GLRA1: variants seen among roughly 807,000 people sequenced by gnomAD.
GLRA1 encodes glycine receptor alpha 1.
Under a neutral mutation model 48.3 loss-of-function variants are expected in GLRA1, and 37 were observed. That is an observed-to-expected ratio of 0.77 (90% CI 0.59 to 1.01). The LOEUF is 1.01. GLRA1 is among the 50% of genes least tolerant of loss of function. The probability of loss-of-function intolerance (pLI) is 0.00; values close to 1 mark genes in which losing one functional copy is unlikely to be tolerated. For synonymous variants in GLRA1, 196 were observed against 210.7 expected, an observed-to-expected ratio of 0.93 and a Z score of 0.60; for missense variants, 427 against 571.0, an observed-to-expected ratio of 0.75 and a Z score of 2.57.
rs1319031414 is a variant in GLRA1 at position 151,841,692 on chromosome 5, T to C, written c.912+9698A>G. Among the ~76,000 whole-genome samples, 3 of 152,270 alleles carry C rather than the reference T, an allele frequency of 2.0e-5. No homozygotes were observed. In the East Asian group the frequency reaches 5.8e-4, roughly 29 times the overall value. ...TAAAAAGGATTATAAGGGAATACTT[T>C]GAACAACTGTATGCCAATAAATTTG... On this transcript the variant is annotated intron_variant, in intron 7 of 8. Transcript: ENST00000274576.
At chr5:151,824,156 G>A (rs1195358602) in intron 8 of GLRA1, among the ~76,000 whole-genome samples, 1 of 151,382 alleles carries the variant, frequency 6.6e-6, no homozygotes, top group Admixed American at 6.6e-5. Context: ...CTTCTGATTT[G>A]TTTGTTTTGT....
At chr5:151,909,082 G>A (rs977222212) in intron 1 of GLRA1, among the ~76,000 whole-genome samples, 96 of 152,126 alleles carry the variant, frequency 6.3e-4, no homozygotes, top group African/African-American at 2.1e-3. Context: ...TTTTTGAAAA[G>A]TTTCTGGCAT....
At chr5:151,832,210 G>C (rs1251631843) in intron 7 of GLRA1, among the ~76,000 whole-genome samples, 2 of 152,218 alleles carry the variant, frequency 1.3e-5, no homozygotes, top group Non-Finnish European at 2.9e-5. Flanking sequence ...GCACAAAAAG[G>C]CTGAAAATTC....
chr5:151,849,381 C>G (rs1415183819), intron 7 of GLRA1, among the ~76,000 whole-genome samples: 5 of 4,790 alleles, frequency 1.0e-3, no homozygotes, highest in Admixed American at 7.1e-3. Context: ...CTTTCGTTTC[C>G]TTTCCTTTCC....
chr5:151,903,075 A>G (rs1005719422), intron 1 of GLRA1, among the ~76,000 whole-genome samples: 2 of 152,068 alleles, frequency 1.3e-5, no homozygotes, highest in South Asian at 2.1e-4. Flanking sequence ...CTCAGAGTGG[A>G]AAAAAAAGCC....
chr5:151,884,985 AC>A (rs1465396076), intron 3 of GLRA1, among the ~76,000 whole-genome samples: 23 of 152,324 alleles, frequency 1.5e-4, no homozygotes, highest in South Asian at 1.2e-3. Flanking sequence ...AGTGAAAAGC[AC>A]CCATGTTTGT....
At chr5:151,871,755 G>A (rs1561565362) in intron 3 of GLRA1, among the ~76,000 whole-genome samples, 2 of 149,188 alleles carry the variant, frequency 1.3e-5, no homozygotes, top group East Asian at 3.9e-4. Context: ...TAGTAGAGAC[G>A]GGGTTTCACT....
At chr5:151,855,199 G>A (rs2113350178) in intron 5 of GLRA1, 22 bp from the exon 6 acceptor site, 1 of 1,613,186 alleles carries the variant, frequency 6.2e-7, no homozygotes, top group East Asian at 2.2e-5. Context: ...TCAGAAGAAG[G>A]AGCAGTCACC....
At chr5:151,858,943 C>T (rs934326298) in intron 4 of GLRA1, among the ~76,000 whole-genome samples, 1 of 152,198 alleles carries the variant, frequency 6.6e-6, no homozygotes, top group African/African-American at 2.4e-5. Context: ...GCATCAGATT[C>T]ACACTAATAT....
At chr5:151,830,225 G>C (rs1763390308) in intron 7 of GLRA1, among the ~76,000 whole-genome samples, 1 of 152,180 alleles carries the variant, frequency 6.6e-6, no homozygotes, top group South Asian at 2.1e-4. Flanking sequence ...ATCATCATTT[G>C]ATATATCTCA....
intron 3 of GLRA1, among the ~76,000 whole-genome samples, chr5:151,883,728 C>A (rs1753824778): frequency 6.6e-6 from 1 of 152,236 alleles, no homozygotes; most frequent in Admixed American, 6.5e-5. Context: ...ATACTCACAG[C>A]AGGCCACAAG....
chr5:151,914,543 C>T (rs60475930), intron 1 of GLRA1, among the ~76,000 whole-genome samples: 2,469 of 152,154 alleles, frequency 0.016, 88 homozygotes, highest in African/African-American at 0.057. Flanking sequence ...TATAAGGGAC[C>T]AAGACTTTTA....
chr5:151,893,348 C>A (rs1754145110), intron 1 of GLRA1, among the ~76,000 whole-genome samples: 1 of 143,810 alleles, frequency 7.0e-6, no homozygotes, highest in Admixed American at 7.0e-5. Flanking sequence ...TTCTTTCTTT[C>A]TTTCTTTCTT....
At chr5:151,896,210 C>T (rs1314638267) in intron 1 of GLRA1, among the ~76,000 whole-genome samples, 1 of 152,228 alleles carries the variant, frequency 6.6e-6, no homozygotes, top group Non-Finnish European at 1.5e-5. Context: ...AAGGTATTTG[C>T]AGTCTGGTCA....
Position 151,847,592 on chromosome 5 carries a change from G to C in GLRA1, c.912+3798C>G, listed in dbSNP as rs1213467329. 2.6e-5 allele frequency among the ~76,000 whole-genome samples: 4 copies of C among 152,274 alleles called. No homozygotes were observed. In the East Asian group the frequency reaches 7.7e-4, roughly 29 times the overall value. On this transcript the variant is annotated intron_variant, in intron 7 of 8. Coordinates refer to ENST00000274576, the MANE Select transcript of GLRA1 (RefSeq NM_000171.4). ...ACATTAGCCAGGCATGACGGCGCGT[G>C]CCTGTAGTCCCAGCTACCCGGGAGG...
At chr5:151,837,181 C>T (rs1404939327) in intron 7 of GLRA1, among the ~76,000 whole-genome samples, 1 of 152,206 alleles carries the variant, frequency 6.6e-6, no homozygotes, top group Non-Finnish European at 1.5e-5. Flanking sequence ...CAAAAGAAGA[C>T]ATTTATGCAG....
At chr5:151,833,082 T>C (rs1281412610) in intron 7 of GLRA1, among the ~76,000 whole-genome samples, 1 of 152,152 alleles carries the variant, frequency 6.6e-6, no homozygotes, top group Non-Finnish European at 1.5e-5. Context: ...CAGAATCCTT[T>C]ACAGACAAGC....
chr5:151,847,725 C>CA (rs769363716), intron 7 of GLRA1, among the ~76,000 whole-genome samples: 4,104 of 87,400 alleles, frequency 0.047, 144 homozygotes, highest in African/African-American at 0.13. Flanking sequence ...GACTTCGTCT[C>CA]AAAAAAAAAA....
chr5:151,836,188 A>G (rs1352424487), intron 7 of GLRA1, among the ~76,000 whole-genome samples: 1 of 152,210 alleles, frequency 6.6e-6, no homozygotes, highest in Non-Finnish European at 1.5e-5. Context: ...CCAAATAATG[A>G]GTGAACTCCC....
Sources: gnomAD v4.1 joint callset for allele counts (sites outside exome capture counted in the v4.1 genomes callset) on GRCh38, gnomAD v4.1.1 for gene constraint, MANE v1.5 for transcripts, NCBI Gene and HGNC (gene_info 2026-07-23, HGNC 2026-07-21) for gene names.